Variants in HPS3 observed in about 807,000 individuals in gnomAD.
HPS3 encodes HPS3 biogenesis of lysosomal organelles complex 2 subunit 1.
A neutral mutation model predicts 110.9 loss-of-function variants in HPS3; 79 were observed. The ratio of observed to expected loss-of-function variants is 0.71; its 90% CI spans 0.59 to 0.86. The LOEUF is 0.86. Ranked by LOEUF, HPS3 falls within the 40% of genes least tolerant of loss-of-function variation. The pLI, the probability that HPS3 is intolerant of heterozygous loss-of-function variation, is 0.00. For missense variants in HPS3, 1,197 were observed against 1,206.2 expected (o/e 0.99, Z 0.11); for synonymous variants, 428 against 451.0 (o/e 0.95, Z 0.65).
intron 1 of HPS3, 109 bp from the exon 2 acceptor site, chr3:149,139,895 C>A: frequency 1.9e-6 from 2 of 1,052,230 alleles, no homozygotes; most frequent in South Asian, 1.5e-5. Flanking sequence ...TCTATTCAGT[C>A]TTTAATTCGA....
chr3:149,166,739 T>A (rs1020700230), intron 14 of HPS3, among the ~76,000 whole-genome samples: 1 of 152,206 alleles, frequency 6.6e-6, no homozygotes, highest in African/African-American at 2.4e-5. Flanking sequence ...TCTCTTAGGA[T>A]AGAGTCCTAA....
chr3:149,146,720 A>G (rs1334503375), intron 5 of HPS3, among the ~76,000 whole-genome samples: 2 of 152,200 alleles, frequency 1.3e-5, no homozygotes, highest in Non-Finnish European at 2.9e-5. Context: ...TGCTGATGGC[A>G]GTGTGTTTCT....
chr3:149,163,356 CT>C (rs1158720715), intron 13 of HPS3, among the ~76,000 whole-genome samples: 1 of 151,608 alleles, frequency 6.6e-6, no homozygotes, highest in Non-Finnish European at 1.5e-5. Flanking sequence ...AGTAACAACT[CT>C]TTCTACCCTT....
intron 5 of HPS3, among the ~76,000 whole-genome samples, chr3:149,145,786 TAAGGTTCTTCATA>T (rs1326213270): frequency 1.3e-5 from 2 of 152,196 alleles, no homozygotes; most frequent in African/African-American, 4.8e-5. Flanking sequence ...TAAGGAAGTA[TAAGGTTCTTCATA>T]AAGGAAGACT....
intron 4 of HPS3, among the ~76,000 whole-genome samples, chr3:149,144,560 C>G (rs528624045): frequency 6.6e-6 from 1 of 152,176 alleles, no homozygotes; most frequent in Non-Finnish European, 1.5e-5. Context: ...TCTAGGCTTT[C>G]CTTCCTCTCT....
intron 1 of HPS3, 33 bp from the exon 2 acceptor site, chr3:149,139,971 C>A: frequency 2.5e-6 from 4 of 1,595,722 alleles, no homozygotes; most frequent in Non-Finnish European, 3.4e-6. Flanking sequence ...TTTCTAATTA[C>A]AAATTCTCAG....
Position 149,140,293 on chromosome 3 carries a change from A to T in HPS3, c.507A>T (p.Glu169Asp), listed in dbSNP as rs762881753. The T allele has an allele frequency of 3.7e-6, 6 of 1,612,884 alleles. No individual in the cohort carries two copies. Among genetic ancestry groups the T allele is most frequent in the Non-Finnish European group, 1.7e-6 (2 of 1,178,948 alleles). Residue 169 changes from glutamate (E) to aspartate (D), a missense_variant, in exon 2 of 17, where the codon GAA (glutamate) becomes GAT (aspartate). Physicochemically the swap from Glu to Asp is conservative, Grantham distance 45. Transcript: ENST00000296051. Reference sequence around the variant, plus strand: ...TGAAGTACCAGATCATTAATGAGGAATTCTCACTATTGGACTTTGAACGTT... The same window carrying T: ...TGAAGTACCAGATCATTAATGAGGATTTCTCACTATTGGACTTTGAACGTT... ...FSLKYQIINE[E>D]FSLLDFERSL...
Position 149,139,986 on chromosome 3 carries a change from A to T in HPS3, c.218-18A>T. 1.2e-6 allele frequency: 2 copies of T among 1,608,862 alleles called. No individual in the cohort carries two copies. The highest frequency in any genetic ancestry group is 1.7e-6 in the Non-Finnish European group (2 of 1,175,628). On this transcript the variant is annotated intron_variant, in intron 1 of 16. Transcript: ENST00000296051. ...TTTCTAATTACAAATTCTCAGTATA[A>T]TCTTCATTCCTTCTCAGGAGATTAT...
rs768649317 is a variant in HPS3 at position 149,140,052 on chromosome 3, G to C, written c.266G>C (p.Arg89Pro). ...IEEKNKATFL[R>P]AYVNWRNKRT... ...GAGAAAAACAAAGCTACATTTCTACGTGCTTATGTGAACTGGAGAAATAAA... is the reference window on the plus strand; with the variant it reads ...GAGAAAAACAAAGCTACATTTCTACCTGCTTATGTGAACTGGAGAAATAAA... Residue 89 changes from arginine to proline, a missense_variant, in exon 2 of 17, where the codon CGT (arginine) becomes CCT (proline). Arg to Pro is a moderately radical substitution (Grantham distance 103). Transcript: ENST00000296051. 1 of 1,612,610 alleles carries C rather than the reference G, an allele frequency of 6.2e-7. No homozygotes were observed. The highest frequency in any genetic ancestry group is 1.3e-5 in the African/African-American group (1 of 74,852).
At chr3:149,136,175 T>C (rs1473224234) in intron 1 of HPS3, among the ~76,000 whole-genome samples, 10 of 147,988 alleles carry the variant, frequency 6.8e-5, no homozygotes, top group East Asian at 2.0e-4. Context: ...TGTATATATA[T>C]ACACACACAC....
At position 149,155,221 on chromosome 3, in the gene HPS3, C is replaced by G. The variant is rs193920800; in HGVS notation, c.1509+6C>G. ...TGCAGCTGTACAAAGAGATGGTACT[C>G]TTTTCAAACTTCTGATTCTTGTTTG... is the stretch of plus-strand genomic sequence containing the variant. On this transcript the variant is annotated splice_donor_region_variant and intron_variant, in intron 8 of 16. Transcript: ENST00000296051. 3.0e-6 allele frequency: 4 copies of G among 1,325,536 alleles called. No homozygotes were observed. The Admixed American group carries it at 6.7e-5, about 22-fold the overall frequency. 82.1% of individuals were successfully genotyped at this position (1,325,536 alleles called of 1,614,324 possible). A position where few individuals can be genotyped will look rare whatever the true frequency, so the allele number is the denominator to read the frequency against.
At chr3:149,157,915 GT>G (rs1723554580) in intron 9 of HPS3, among the ~76,000 whole-genome samples, 1 of 152,202 alleles carries the variant, frequency 6.6e-6, no homozygotes, top group Non-Finnish European at 1.5e-5. Context: ...AAACAAAGTG[GT>G]TGTTTTCCAT....
chr3:149,129,654 T>C lies in HPS3; in HGVS notation c.-70T>C, dbSNP rs13089410. On this transcript the variant is annotated 5_prime_UTR_variant, in exon 1 of 17. Coordinates refer to ENST00000296051, the MANE Select transcript of HPS3 (RefSeq NM_032383.5). ...CTCGCTCGCGGAAGTAGTCCTACAT[T>C]CGCGGTCAGCGCGGGGTCTCCGGGC... The C allele has an allele frequency of 0.032, 38,637 of 1,225,622 alleles. 783 individuals carry two copies. Among genetic ancestry groups the C allele is most frequent in the South Asian group, 0.07 (4,455 of 64,076 alleles). The allele number at this position is 1,225,622 out of a possible 1,614,324, so 75.9% of individuals were successfully genotyped here. A position where few individuals can be genotyped will look rare whatever the true frequency, so the allele number is the denominator to read the frequency against.
At chr3:149,162,396 C>G in intron 12 of HPS3, 63 bp downstream of exon 12, 1 of 1,418,714 alleles carries the variant, frequency 7.0e-7, no homozygotes, top group South Asian at 1.2e-5. Context: ...TGGGGAGGGA[C>G]AGAATAAGAG....
chr3:149,153,742 G>A (rs1436136740), intron 7 of HPS3, 94 bp downstream of exon 7: 2 of 1,321,794 alleles, frequency 1.5e-6, no homozygotes, highest in African/African-American at 2.9e-5. Flanking sequence ...ATCATAACTT[G>A]GAATGATCAA....
intron 4 of HPS3, among the ~76,000 whole-genome samples, chr3:149,142,002 C>T (rs1722505909): frequency 6.6e-6 from 1 of 151,934 alleles, no homozygotes; most frequent in South Asian, 2.1e-4. Context: ...AGGAATGCCC[C>T]ACCACGCCCA....
intron 1 of HPS3, among the ~76,000 whole-genome samples, chr3:149,138,443 A>AT (rs1436134094): frequency 6.6e-6 from 1 of 152,214 alleles, no homozygotes; most frequent in African/African-American, 2.4e-5. Context: ...TACCCGCAAA[A>AT]TTCTAAAGAT....
At chr3:149,144,909 T>A (rs1443039525) in intron 4 of HPS3, among the ~76,000 whole-genome samples, 1 of 152,240 alleles carries the variant, frequency 6.6e-6, no homozygotes, top group Non-Finnish European at 1.5e-5. Flanking sequence ...GTTGGGTTAA[T>A]ACAATATTAT....
chr3:149,135,893 A>T (rs540269345), intron 1 of HPS3, among the ~76,000 whole-genome samples: 33 of 152,170 alleles, frequency 2.2e-4, no homozygotes, highest in Admixed American at 5.9e-4. Flanking sequence ...ACTTTCTCTC[A>T]GTTTTCCTGG....
Sources: gnomAD v4.1 joint callset for allele counts (sites outside exome capture counted in the v4.1 genomes callset) on GRCh38, gnomAD v4.1.1 for gene constraint, MANE v1.5 for transcripts, NCBI Gene and HGNC (gene_info 2026-07-23, HGNC 2026-07-21) for gene names.